The following FSAF1 variants were observed in gnomAD, a reference collection of about 807,000 sequenced individuals.
FSAF1 encodes the protein uncharacterized protein C1orf131.
chr1:231,241,052 G>A, the FSAF1 span: 3 of 1,614,130 alleles, frequency 1.9e-6, no homozygotes, highest in Non-Finnish European at 2.5e-6. Context: ...GGAGCAGAGC[G>A]TCAAGAAGTG....
At chr1:231,240,567 G>A in the FSAF1 span, among the ~76,000 whole-genome samples, 5 of 151,960 alleles carry the variant, frequency 3.3e-5, no homozygotes, top group South Asian at 2.1e-4. The surrounding 1 kb of genome is among the most constrained non-coding windows in gnomAD (Gnocchi z 4.1). Flanking sequence ...AGGACAACTC[G>A]CCAAGGACTA....
the FSAF1 span, chr1:231,225,348 A>G: frequency 1.1e-6 from 1 of 876,918 alleles, no homozygotes; most frequent in East Asian, 2.4e-5. Context: ...ACAAGGATAA[A>G]TGAGAGACAG....
At chr1:231,223,956 T>TA in the FSAF1 span, 1 of 214,052 alleles carries the variant, frequency 4.7e-6, no homozygotes, top group East Asian at 1.0e-4. Context: ...TACAAAACAG[T>TA]AAAGTTATAA....
chr1:231,238,934 T>A, the FSAF1 span: 5 of 1,614,230 alleles, frequency 3.1e-6, no homozygotes, highest in Non-Finnish European at 4.2e-6. Context: ...ACTTGTTCCC[T>A]ATTGTTCTTT....
the FSAF1 span, chr1:231,225,982 T>A: frequency 9.5e-6 from 1 of 105,312 alleles, no homozygotes; most frequent in African/African-American, 3.8e-5. Flanking sequence ...TATACAAGGT[T>A]ATACAACGTA....
At chr1:231,229,103 G>T in the FSAF1 span, 1 of 1,134,034 alleles carries the variant, frequency 8.8e-7, no homozygotes, top group Non-Finnish European at 1.3e-6. Context: ...AACAAATACT[G>T]TAAATAAAGT....
chr1:231,231,554 C>T, the FSAF1 span, among the ~76,000 whole-genome samples: 3 of 152,104 alleles, frequency 2.0e-5, no homozygotes, highest in Admixed American at 2.0e-4. Context: ...GGCTGGAGTG[C>T]AGTGGCGCGA....
chr1:231,237,810 G>A, the FSAF1 span: 1 of 152,338 alleles, frequency 6.6e-6, no homozygotes, highest in Non-Finnish European at 1.5e-5. Flanking sequence ...AAGGTTTGCA[G>A]GACGTGGGGG....
chr1:231,231,867 A>T, the FSAF1 span, among the ~76,000 whole-genome samples: 3 of 152,302 alleles, frequency 2.0e-5, no homozygotes, highest in African/African-American at 7.2e-5. Context: ...GGGGCCGACT[A>T]GACCAAGGGG....
the FSAF1 span, among the ~76,000 whole-genome samples, chr1:231,230,706 T>C: frequency 6.6e-6 from 1 of 152,188 alleles, no homozygotes; most frequent in South Asian, 2.1e-4. Flanking sequence ...CACCACTGTA[T>C]TTAAGGTGTG....
At chr1:231,241,132 C>T in the FSAF1 span, 1 of 1,612,038 alleles carries the variant, frequency 6.2e-7, no homozygotes, top group African/African-American at 1.3e-5. Context: ...GCCGAGGAAT[C>T]AACCCTCATT....
chr1:231,241,086 G>A, the FSAF1 span: 1 of 1,614,176 alleles, frequency 6.2e-7, no homozygotes, highest in Non-Finnish European at 8.5e-7. Flanking sequence ...AGGCGTGGAG[G>A]ACCCCGGCCC....
At chr1:231,226,180 T>A in the FSAF1 span, among the ~76,000 whole-genome samples, 1 of 152,146 alleles carries the variant, frequency 6.6e-6, no homozygotes, top group African/African-American at 2.4e-5. Flanking sequence ...AATGGATCCC[T>A]CATGAATGGC....
chr1:231,224,580 C>A, the FSAF1 span: 1 of 624,448 alleles, frequency 1.6e-6, no homozygotes, highest in Non-Finnish European at 2.7e-6. Flanking sequence ...CATGCTACTG[C>A]CTTCCTGCCT....
the FSAF1 span, among the ~76,000 whole-genome samples, chr1:231,233,923 G>C: frequency 6.6e-6 from 1 of 152,174 alleles, no homozygotes; most frequent in Non-Finnish European, 1.5e-5. Flanking sequence ...TAAAAGAAAA[G>C]GGATCAATCA....
the FSAF1 span, among the ~76,000 whole-genome samples, chr1:231,233,599 C>T: frequency 6.6e-6 from 1 of 152,144 alleles, no homozygotes; most frequent in African/African-American, 2.4e-5. Context: ...GTTGCCCAGG[C>T]TGGAGTGTAG....
At chr1:231,236,265 C>A in the FSAF1 span, among the ~76,000 whole-genome samples, 11 of 152,278 alleles carry the variant, frequency 7.2e-5, no homozygotes, top group East Asian at 1.9e-3. Flanking sequence ...TTTATTTCCA[C>A]ACCGCAATGT....
At chr1:231,224,293 T>A in the FSAF1 span, 1 of 1,610,474 alleles carries the variant, frequency 6.2e-7, no homozygotes. Flanking sequence ...TTGGCCACTC[T>A]GGAAGAATTT....
chr1:231,231,109 C>G, the FSAF1 span, among the ~76,000 whole-genome samples: 8 of 152,318 alleles, frequency 5.3e-5, no homozygotes, highest in African/African-American at 1.9e-4. Context: ...CTTCATCTTC[C>G]TTCCTGGCTT....
Sources: allele counts gnomAD v4.1 joint callset (sites outside exome capture counted in the v4.1 genomes callset), GRCh38; gene constraint gnomAD v4.1.1; non-coding constraint Gnocchi (gnomAD v3.1); transcripts MANE v1.5; gene names NCBI Gene and HGNC (gene_info 2026-07-23, HGNC 2026-07-21).